Variants in DENND4A observed in about 807,000 individuals in gnomAD.
The protein encoded by DENND4A is DENN domain containing 4A.
Under a neutral mutation model 199.3 loss-of-function variants are expected in DENND4A, and 70 were observed. That is an observed-to-expected ratio of 0.35 (90% CI 0.29 to 0.43). The LOEUF (loss-of-function observed/expected upper bound fraction) is 0.43, where lower values mean the gene tolerates loss of function less well. DENND4A is among the 20% of genes least tolerant of loss of function. The probability of loss-of-function intolerance (pLI) is 1.00; values close to 1 mark genes in which losing one functional copy is unlikely to be tolerated. For missense variants in DENND4A, 1,723 were observed against 2,255.8 expected, an observed-to-expected ratio of 0.76 and a Z score of 4.78; for synonymous variants, 686 against 766.9, an observed-to-expected ratio of 0.89 and a Z score of 1.74.
chr15:65,767,637 A>G (rs1294883014), intron 1 of DENND4A, among the ~76,000 whole-genome samples: 1 of 152,184 alleles, frequency 6.6e-6, no homozygotes, highest in Non-Finnish European at 1.5e-5. Context: ...TGCAACTGAT[A>G]CCATTATCGA....
At chr15:65,771,597 C>T in intron 1 of DENND4A, 1 of 1,612,776 alleles carries the variant, frequency 6.2e-7, no homozygotes, top group Non-Finnish European at 8.5e-7. Flanking sequence ...CTTTCCTCTT[C>T]TCTTTCATGT....
rs145367709 is a variant in DENND4A at position 65,714,134 on chromosome 15, G to A, written c.1953+1344C>T. The stretch of plus-strand genomic sequence containing the variant: ...ATAAGAAACTTTATTATCTTTGGCC[G>A]GGTGCAGTGGCTTATGTCTGTAATC... On this transcript the variant is annotated intron_variant, in intron 14 of 32. Coordinates refer to ENST00000443035, the MANE Select transcript of DENND4A (RefSeq NM_001320835.1). Among the ~76,000 whole-genome samples, 274 of 151,914 alleles carry A rather than the reference G, an allele frequency of 1.8e-3. 1 individual carries two copies. The highest frequency in any genetic ancestry group is 5.8e-3 in the African/African-American group (241 of 41,412).
chr15:65,776,475 G>C (rs1336384131), intron 1 of DENND4A, among the ~76,000 whole-genome samples: 1 of 152,212 alleles, frequency 6.6e-6, no homozygotes, highest in Non-Finnish European at 1.5e-5. Context: ...CCACTGAGCA[G>C]TAACTTTTTT....
intron 20 of DENND4A, among the ~76,000 whole-genome samples, chr15:65,698,256 G>C (rs2077220014): frequency 6.6e-6 from 1 of 152,102 alleles, no homozygotes; most frequent in Non-Finnish European, 1.5e-5. Context: ...GCGACAGAGT[G>C]AAACCCTGTC....
chr15:65,714,267 G>C (rs994606647), intron 14 of DENND4A, among the ~76,000 whole-genome samples: 2 of 151,876 alleles, frequency 1.3e-5, no homozygotes, highest in African/African-American at 4.8e-5. Flanking sequence ...CAAAAAAATA[G>C]CCGGGCATGG....
Position 65,691,049 on chromosome 15 carries a change from A to G in DENND4A, c.3545T>C (p.Val1182Ala), listed in dbSNP as rs577531074. ...AATCCTCTTGGGATTTTGTGTAGCA[A>G]CACATCCTGCTTTTGATACATCTGT... ...SETDVSKAGC[V>A]ATQNPKRIQR... The change falls in exon 23 of 33, where the codon GTT becomes GCT. Residue 1182 changes from valine to alanine, a missense_variant. Val to Ala is a moderately conservative substitution (Grantham distance 64). Coordinates refer to ENST00000443035, the MANE Select transcript of DENND4A (RefSeq NM_001320835.1). 23 of 1,612,782 alleles carry G rather than the reference A, an allele frequency of 1.4e-5. No individual in the cohort carries two copies. The African/African-American group carries it at 3.1e-4, about 21-fold the overall frequency.
chr15:65,736,510 C>G (rs931710964), intron 7 of DENND4A, among the ~76,000 whole-genome samples: 19 of 151,756 alleles, frequency 1.3e-4, no homozygotes, highest in African/African-American at 4.6e-4. Context: ...AGGTGATTCA[C>G]CTGCCTCAGC....
At chr15:65,755,515 C>T (rs2076678338) in intron 3 of DENND4A, among the ~76,000 whole-genome samples, 1 of 152,090 alleles carries the variant, frequency 6.6e-6, no homozygotes, top group Admixed American at 6.6e-5. Flanking sequence ...TCTGTAATCC[C>T]AGTACTTTGG....
chr15:65,682,045 A>C (rs535769296), intron 23 of DENND4A, among the ~76,000 whole-genome samples: 41 of 152,356 alleles, frequency 2.7e-4, no homozygotes, highest in African/African-American at 9.6e-4. Flanking sequence ...TACAGAGCAC[A>C]GGCAGAGAGT....
chr15:65,749,036 A>G (rs1253863595), intron 4 of DENND4A, among the ~76,000 whole-genome samples: 1 of 151,348 alleles, frequency 6.6e-6, no homozygotes, highest in Admixed American at 6.6e-5. Flanking sequence ...GTTTCTTCAG[A>G]GTAGCTGCAG....
At chr15:65,679,137 C>A (rs988780492) in intron 23 of DENND4A, among the ~76,000 whole-genome samples, 1 of 152,110 alleles carries the variant, frequency 6.6e-6, no homozygotes, top group Admixed American at 6.5e-5. Flanking sequence ...CTCTGTCACC[C>A]GGGCTGGAGT....
chr15:65,728,487 C>CTTTTTT (rs201253758), intron 11 of DENND4A, among the ~76,000 whole-genome samples: 3 of 138,504 alleles, frequency 2.2e-5, no homozygotes, highest in Admixed American at 2.2e-4. Context: ...TTTTCTTTTT[C>CTTTTTT]TTTTTTTTTT....
chr15:65,728,923 G>A (rs1268433944), intron 11 of DENND4A, 149 bp downstream of exon 11: 1 of 773,318 alleles, frequency 1.3e-6, no homozygotes, highest in Non-Finnish European at 2.2e-6. Flanking sequence ...CGCATAATAA[G>A]GTCTGATTCA....
At chr15:65,682,901 C>A (rs1475558777) in intron 23 of DENND4A, among the ~76,000 whole-genome samples, 1 of 152,132 alleles carries the variant, frequency 6.6e-6, no homozygotes, top group African/African-American at 2.4e-5. Flanking sequence ...TCAGAAATTA[C>A]ACAACATTTA....
chr15:65,748,476 G>A (rs1403086457), intron 4 of DENND4A, among the ~76,000 whole-genome samples: 2 of 151,656 alleles, frequency 1.3e-5, no homozygotes, highest in South Asian at 2.1e-4. Flanking sequence ...AAAATTAGTC[G>A]AGCATGGTGG....
At chr15:65,750,941 C>T (rs1307113012) in intron 4 of DENND4A, among the ~76,000 whole-genome samples, 2 of 152,116 alleles carry the variant, frequency 1.3e-5, no homozygotes, top group Admixed American at 1.3e-4. Context: ...AAGAACTGAT[C>T]AGTTAGATAA....
chr15:65,772,041 GC>G (rs2077145222), intron 1 of DENND4A: 2 of 1,333,686 alleles, frequency 1.5e-6, no homozygotes, highest in South Asian at 2.4e-5. Flanking sequence ...GAGCTTCTCG[GC>G]CTTCTGCAGG....
chr15:65,711,722 A>G (rs77378713), intron 14 of DENND4A, among the ~76,000 whole-genome samples: 1,598 of 152,312 alleles, frequency 0.01, 30 homozygotes, highest in African/African-American at 0.037. Flanking sequence ...TTGTACATCA[A>G]TGGTGTATCT....
At position 65,768,972 on chromosome 15, in the gene DENND4A, C is replaced by T. The variant is rs1216776892; in HGVS notation, c.-101-7534G>A. 3.3e-5 allele frequency among the ~76,000 whole-genome samples: 5 copies of T among 150,302 alleles called. No homozygotes were observed. The South Asian group carries it at 6.3e-4, about 19-fold the overall frequency. On this transcript the variant is annotated intron_variant, in intron 1 of 32. Coordinates refer to ENST00000443035, the MANE Select transcript of DENND4A (RefSeq NM_001320835.1). ...TCACACCACTGCACTCTAGCCTGGG[C>T]GACAAGAGCAAAACTCTGTCTCAAA... is the stretch of plus-strand genomic sequence containing the variant.
Sources: gnomAD v4.1 joint callset for allele counts (sites outside exome capture counted in the v4.1 genomes callset) on GRCh38, gnomAD v4.1.1 for gene constraint, MANE v1.5 for transcripts, NCBI Gene and HGNC (gene_info 2026-07-23, HGNC 2026-07-21) for gene names.